SLC25A33: variants seen among roughly 807,000 people sequenced by gnomAD.
The protein encoded by SLC25A33 is bone marrow stromal cell mitochondrial carrier protein.
A neutral mutation model predicts 35.5 loss-of-function variants in SLC25A33; 15 were observed. The ratio of observed to expected loss-of-function variants is 0.42; its 90% CI spans 0.28 to 0.65. The LOEUF (loss-of-function observed/expected upper bound fraction) is 0.65, where lower values mean the gene tolerates loss of function less well. Among genes scored for constraint, SLC25A33 ranks in the 30% least tolerant of loss-of-function variants. SLC25A33 has a pLI of 0.20. For synonymous variants in SLC25A33, 136 were observed against 148.7 expected (o/e 0.91, Z 0.62); for missense variants, 257 against 398.5 (o/e 0.64, Z 3.02).
rs962153525 is a variant in SLC25A33 at position 9,584,057 on chromosome 1, A to G, written c.*1556A>G. 6.6e-6 allele frequency: 1 copy of G among 152,046 alleles called. No homozygotes were observed. Among genetic ancestry groups the G allele is most frequent in the Non-Finnish European group, 1.5e-5 (1 of 68,026 alleles). 9.4% of individuals were successfully genotyped at this position (152,046 alleles called of 1,614,324 possible). The stretch of plus-strand genomic sequence containing the variant: ...TTTAAAGCAAATTTAATAAGGGAAC[A>G]AAAAGATGATACTAAGAAGAAGGCA... On this transcript the variant is annotated 3_prime_UTR_variant, in exon 7 of 7. Transcript: ENST00000302692.
Position 9,544,373 on chromosome 1 carries a change from A to T in SLC25A33, c.56+4626A>T, listed in dbSNP as rs940121023. ...AACCTCCACCTCCCGGGTTCAAGCA[A>T]TTCTCGTGCCTCAGCCTCCCGAGGA... On this transcript the variant is annotated intron_variant, in intron 1 of 6. Coordinates refer to ENST00000302692, the MANE Select transcript of SLC25A33 (RefSeq NM_032315.3). Among the ~76,000 whole-genome samples, 4 of 151,552 alleles carry T rather than the reference A, an allele frequency of 2.6e-5. No homozygotes were observed. The East Asian group carries it at 7.9e-4, about 30-fold the overall frequency.
rs866476188 is a variant in SLC25A33, at chr1:9,579,995, G to A, written c.524G>A (p.Arg175His). ...SKQMNTLQCA[R>H]YVYQTEGIRG... ...CAGATGAATACACTCCAGTGTGCTCGTTACGTTTACCAGACCGAAGGCATT... is the reference window on the plus strand; with the variant it reads ...CAGATGAATACACTCCAGTGTGCTCATTACGTTTACCAGACCGAAGGCATT... Residue 175 changes from arginine to histidine, a missense_variant, in exon 6 of 7, where the codon CGT (arginine) becomes CAT (histidine). Physicochemically the swap from Arg to His is conservative, Grantham distance 29. Coordinates refer to ENST00000302692, the MANE Select transcript of SLC25A33 (RefSeq NM_032315.3). 16 of 1,613,332 alleles carry A rather than the reference G, an allele frequency of 9.9e-6. No individual in the cohort carries two copies. Among genetic ancestry groups the A allele is most frequent in the Middle Eastern group, 1.6e-4 (1 of 6,070 alleles).
chr1:9,561,736 CTTAA>C (rs1557530349), intron 2 of SLC25A33, among the ~76,000 whole-genome samples: 2 of 152,024 alleles, frequency 1.3e-5, no homozygotes, highest in Non-Finnish European at 2.9e-5. Flanking sequence ...CAGAGATTCC[CTTAA>C]TTGTGTTTAA....
At chr1:9,545,622 T>TGAACTCCTGATCTC (rs1443100976) in intron 1 of SLC25A33, among the ~76,000 whole-genome samples, 2 of 150,738 alleles carry the variant, frequency 1.3e-5, no homozygotes, top group Non-Finnish European at 1.5e-5. Flanking sequence ...AGGCTGGTCT[T>TGAACTCCTGATCTC]GAACTCCTGA....
In SLC25A33 at chr1:9,573,430, C is replaced by A; in HGVS notation, c.482+18C>A. The A allele has an allele frequency of 1.2e-6, 2 of 1,603,568 alleles. No individual in the cohort carries two copies. The highest frequency in any genetic ancestry group is 1.1e-5 in the South Asian group (1 of 90,526). Reference sequence around the variant, plus strand: ...GAACAGAAGTAAGTTATTATTTGTTCCTTCCTTAATGAAAGGATTTTTGGG... The same window carrying A: ...GAACAGAAGTAAGTTATTATTTGTTACTTCCTTAATGAAAGGATTTTTGGG... On this transcript the variant is annotated intron_variant, in intron 5 of 6. Transcript: ENST00000302692.
At chr1:9,541,405 T>A (rs1288266288) in intron 1 of SLC25A33, among the ~76,000 whole-genome samples, 3 of 152,160 alleles carry the variant, frequency 2.0e-5, no homozygotes, top group Non-Finnish European at 4.4e-5. Flanking sequence ...CGCCTCGGCC[T>A]CCCAAAGTGC....
In SLC25A33 at chr1:9,584,007, A is replaced by C. The variant is rs1367700121; in HGVS notation, c.*1506A>C. On this transcript the variant is annotated 3_prime_UTR_variant, in exon 7 of 7. Coordinates refer to ENST00000302692, the MANE Select transcript of SLC25A33 (RefSeq NM_032315.3). ...GCGACTCCATCTCAAAAAAAAAAAA[A>C]AAACCAGGATGTTACCCCCTTGGTT... 2 of 151,974 alleles carry C rather than the reference A, an allele frequency of 1.3e-5. No homozygotes were observed. The highest frequency in any genetic ancestry group is 2.9e-5 in the Non-Finnish European group (2 of 68,002). 9.4% of individuals were successfully genotyped at this position (151,974 alleles called of 1,614,324 possible).
At chr1:9,549,526 G>A (rs1643232078) in intron 1 of SLC25A33, among the ~76,000 whole-genome samples, 1 of 151,914 alleles carries the variant, frequency 6.6e-6, no homozygotes, top group Admixed American at 6.6e-5. Context: ...ACTGATGGTG[G>A]GATCAATGGG....
In SLC25A33 at chr1:9,578,649, T is replaced by G. The variant is rs1195275403; in HGVS notation, c.483-1305T>G. 6.6e-6 allele frequency among the ~76,000 whole-genome samples: 1 copy of G among 152,232 alleles called. No homozygotes were observed. Among genetic ancestry groups the G allele is most frequent in the African/African-American group, 2.4e-5 (1 of 41,462 alleles). On this transcript the variant is annotated intron_variant, in intron 5 of 6. Coordinates refer to ENST00000302692, the MANE Select transcript of SLC25A33 (RefSeq NM_032315.3). The surrounding 1 kb of genome is among the most constrained non-coding windows in gnomAD (Gnocchi z 4.3). ...ATTTTTCTTTCTTATTATTTACTTT[T>G]TTGTAGAGATAGAGCCTCACTACAT...
chr1:9,539,883 T>TC, intron 1 of SLC25A33, 136 bp downstream of exon 1: 1 of 803,398 alleles, frequency 1.2e-6, no homozygotes, highest in Non-Finnish European at 1.6e-6. Context: ...GAGGAGGAAG[T>TC]CCCGGCGTCG....
At chr1:9,564,739 A>AATATATATAT (rs70979762) in intron 2 of SLC25A33, among the ~76,000 whole-genome samples, 21 of 96,532 alleles carry the variant, frequency 2.2e-4, no homozygotes, top group African/African-American at 2.7e-4. Flanking sequence ...AAAAAAAAAA[A>AATATATATAT]ATATATATAT....
At chr1:9,545,631 G>T (rs1643156084) in intron 1 of SLC25A33, among the ~76,000 whole-genome samples, 1 of 149,816 alleles carries the variant, frequency 6.7e-6, no homozygotes, top group South Asian at 2.1e-4. Flanking sequence ...TTGAACTCCT[G>T]ATCTCGTGAT....
At chr1:9,575,243 C>T (rs549825119) in intron 5 of SLC25A33, among the ~76,000 whole-genome samples, 2 of 151,154 alleles carry the variant, frequency 1.3e-5, no homozygotes, top group South Asian at 2.1e-4. Flanking sequence ...AAATAAGAAC[C>T]CCTGTATTAC....
chr1:9,543,495 G>A (rs914931424), intron 1 of SLC25A33, among the ~76,000 whole-genome samples: 3 of 152,180 alleles, frequency 2.0e-5, no homozygotes, highest in Non-Finnish European at 4.4e-5. Context: ...GAACACAGAA[G>A]TGCTTTGAGG....
At chr1:9,579,208 C>T (rs1378510723) in intron 5 of SLC25A33, among the ~76,000 whole-genome samples, 1 of 152,174 alleles carries the variant, frequency 6.6e-6, no homozygotes, top group Non-Finnish European at 1.5e-5. Flanking sequence ...GGGGGTTTTC[C>T]CCACACACAC....
chr1:9,556,030 A>T (rs1487639855), intron 2 of SLC25A33, among the ~76,000 whole-genome samples: 1 of 152,154 alleles, frequency 6.6e-6, no homozygotes, highest in East Asian at 1.9e-4. Context: ...GAGTGGAGAC[A>T]CTGGGCAGGA....
rs551314179 is a variant in SLC25A33, at chr1:9,558,519, G to A, written c.236+4714G>A. Among the ~76,000 whole-genome samples the A allele has an allele frequency of 2.7e-4, 41 of 152,278 alleles. No individual in the cohort carries two copies. The South Asian group carries it at 8.1e-3, about 30-fold the overall frequency. ...TGTTTGACAGCTTGGATGTTTATTA[G>A]CCATCCAAGAGTAACATGAGCAAAA... On this transcript the variant is annotated intron_variant, in intron 2 of 6. Coordinates refer to ENST00000302692, the MANE Select transcript of SLC25A33 (RefSeq NM_032315.3).
At position 9,539,767 on chromosome 1, in the gene SLC25A33, C is replaced by A. The variant is rs1019981099; in HGVS notation, c.56+20C>A. ...CGGCGGGTGAGTTCCCGGGCCCAGC[C>A]GCGCGCGCCCCACCGCCTGCGGTCC... On this transcript the variant is annotated intron_variant, in intron 1 of 6. Transcript: ENST00000302692. 2.2e-6 allele frequency: 3 copies of A among 1,359,708 alleles called. No homozygotes were observed. The highest frequency in any genetic ancestry group is 3.1e-5 in the Admixed American group (1 of 32,602). The allele number at this position is 1,359,708 out of a possible 1,614,324, so 84.2% of individuals were successfully genotyped here.
At position 9,578,092 on chromosome 1, in the gene SLC25A33, T is replaced by A. The variant is rs1322620642; in HGVS notation, c.483-1862T>A. On this transcript the variant is annotated intron_variant, in intron 5 of 6. Transcript: ENST00000302692. This position sits in a 1 kb window ranked among gnomAD's most constrained non-coding sequence, Gnocchi z 4.3. ...GCCACCATGCCCGGCTAATTTTTTG[T>A]ATTTTTTAGTAGAGACGGGGTTTCA... is the stretch of plus-strand genomic sequence containing the variant. Among the ~76,000 whole-genome samples, 1 of 152,162 alleles carries A rather than the reference T, an allele frequency of 6.6e-6. No homozygotes were observed. Among genetic ancestry groups the A allele is most frequent in the Non-Finnish European group, 1.5e-5 (1 of 68,036 alleles).
Sources: gnomAD v4.1 joint callset for allele counts (sites outside exome capture counted in the v4.1 genomes callset) on GRCh38, gnomAD v4.1.1 for gene constraint, Gnocchi (gnomAD v3.1) non-coding constraint, MANE v1.5 for transcripts, NCBI Gene and HGNC (gene_info 2026-07-23, HGNC 2026-07-21) for gene names.